The following TG variants were observed in gnomAD, a reference collection of about 807,000 sequenced individuals.
The protein encoded by TG is thyroglobulin.
Under a neutral mutation model 324.7 loss-of-function variants are expected in TG, and 270 were observed. That is an observed-to-expected ratio of 0.83 (90% CI 0.75 to 0.92). The LOEUF (loss-of-function observed/expected upper bound fraction) is 0.92, where lower values mean the gene tolerates loss of function less well. TG is among the 40% of genes least tolerant of loss of function. The pLI is 0.00. For missense variants in TG, 3,591 were observed against 3,456.4 expected (o/e 1.04, Z -0.98); for synonymous variants, 1,401 against 1,327.0 (o/e 1.06, Z -1.21).
At chr8:132,901,309 G>A in intron 15 of TG, 44 bp from the exon 16 acceptor site, 1 of 1,608,038 alleles carries the variant, frequency 6.2e-7, no homozygotes, top group Non-Finnish European at 8.5e-7. Context: ...TGAGCAGGGA[G>A]TGGGCACTGA....
chr8:132,942,393 T>C (rs1434020556), intron 26 of TG, among the ~76,000 whole-genome samples: 1 of 152,218 alleles, frequency 6.6e-6, no homozygotes, highest in Non-Finnish European at 1.5e-5. Flanking sequence ...TGTTTCTCCT[T>C]AGCAGCATCA....
intron 27 of TG, among the ~76,000 whole-genome samples, chr8:132,957,455 G>A (rs1827055568): frequency 6.6e-6 from 1 of 152,124 alleles, no homozygotes; most frequent in Non-Finnish European, 1.5e-5. Context: ...ATGTGCACCT[G>A]CGGGAAGCAC....
At chr8:132,871,678 G>A (rs2132048414) in intron 4 of TG, 127 bp downstream of exon 4, 1 of 878,606 alleles carries the variant, frequency 1.1e-6, no homozygotes, top group South Asian at 1.8e-5. Context: ...TAGGGAAAAT[G>A]AAAGCTTCAA....
chr8:132,897,507 T>G, intron 11 of TG, 142 bp from the exon 12 acceptor site: 1 of 1,174,154 alleles, frequency 8.5e-7, no homozygotes, highest in Non-Finnish European at 1.3e-6. Context: ...GCCTTTGTAA[T>G]ACTGTGGGTT....
In TG at chr8:133,073,853, C is replaced by T. The variant is rs138583537; in HGVS notation, c.7240-21191C>T. ...GTGACTTGGACAAGCCACCTAACTT[C>T]TCTGAGCCTCATTTCCTCAGTTTTC... On this transcript the variant is annotated intron_variant, in intron 41 of 47. Transcript: ENST00000220616. 4.0e-3 allele frequency among the ~76,000 whole-genome samples: 602 copies of T among 152,268 alleles called. 4 individuals carry two copies. Among genetic ancestry groups the T allele is most frequent in the African/African-American group, 0.014 (574 of 41,532 alleles).
At position 132,941,370 on chromosome 8, in the gene TG, A is replaced by G. The variant is rs754968439; in HGVS notation, c.5061A>G (p.Thr1687=). 49 of 1,614,098 alleles carry G rather than the reference A, an allele frequency of 3.0e-5. No homozygotes were observed. The highest frequency in any genetic ancestry group is 4.1e-5 in the Non-Finnish European group (48 of 1,180,050). ...CCCCAGGCCAAGGATCCACCACAAC[A>G]CTTCAGAAACGCTTTGAACCCACTG... The part of the protein sequence containing the change: ...YLKKGQGSTT[T]LQKRFEPTGF... The change falls in exon 26 of 48, where the codon ACA becomes ACG. Residue 1687 remains threonine (T), a synonymous_variant. Transcript: ENST00000220616.
At chr8:133,051,017 G>A (rs1490950396) in intron 41 of TG, 1 of 681,506 alleles carries the variant, frequency 1.5e-6, no homozygotes, top group East Asian at 2.6e-5. Context: ...AGATTTTCCA[G>A]CAGGAAATAC....
intron 26 of TG, among the ~76,000 whole-genome samples, chr8:132,944,617 G>A (rs1380811205): frequency 6.6e-6 from 1 of 152,180 alleles, no homozygotes; most frequent in Non-Finnish European, 1.5e-5. Flanking sequence ...TCAGCAAAGG[G>A]AACTTGGCTT....
Position 132,893,703 on chromosome 8 carries a change from T to C in TG, c.2775T>C (p.Cys925=). Residue 925 remains cysteine, a synonymous_variant, in exon 11 of 48, where the codon TGT becomes TGC. Coordinates refer to ENST00000220616, the MANE Select transcript of TG (RefSeq NM_003235.5). The part of the protein sequence containing the change: ...PSKLPTCPGS[C]EEAKLRVLQF... ...TTATTCCCCTAGGTCCTGGCTCCTG[T>C]GAGGAAGCAAAGCTCCGTGTACTGC... The C allele has an allele frequency of 6.2e-7, 1 of 1,613,828 alleles. No homozygotes were observed.
At chr8:132,974,746 G>A (rs1479323941) in intron 34 of TG, among the ~76,000 whole-genome samples, 1 of 152,182 alleles carries the variant, frequency 6.6e-6, no homozygotes. Flanking sequence ...AAACCAGTTG[G>A]TGGTTTGGTG....
intron 41 of TG, among the ~76,000 whole-genome samples, chr8:133,046,200 G>A (rs1839361916): frequency 6.6e-6 from 1 of 152,242 alleles, no homozygotes; most frequent in Non-Finnish European, 1.5e-5. Flanking sequence ...ACACCCAAGA[G>A]ACAGAGGAGA....
At chr8:132,915,354 G>A (rs1461351350) in intron 20 of TG, among the ~76,000 whole-genome samples, 4 of 152,184 alleles carry the variant, frequency 2.6e-5, no homozygotes, top group Admixed American at 2.6e-4. Flanking sequence ...GTAAAATAAA[G>A]GGGCTGGCCT....
intron 27 of TG, among the ~76,000 whole-genome samples, chr8:132,952,694 A>G (rs1826281925): frequency 6.6e-6 from 1 of 152,216 alleles, no homozygotes; most frequent in Non-Finnish European, 1.5e-5. Context: ...CAAGTAGTAA[A>G]TATATTAATA....
At chr8:132,965,798 T>C (rs1828476505) in intron 29 of TG, among the ~76,000 whole-genome samples, 1 of 152,108 alleles carries the variant, frequency 6.6e-6, no homozygotes, top group South Asian at 2.1e-4. Context: ...CTGCAAACAG[T>C]GTGGTGATGA....
intron 24 of TG, among the ~76,000 whole-genome samples, chr8:132,934,977 C>CCT (rs1474111468): frequency 6.6e-6 from 1 of 152,072 alleles, no homozygotes; most frequent in African/African-American, 2.4e-5. Flanking sequence ...CCAGCTCCAG[C>CCT]CTCTCTCTCC....
chr8:133,130,579 G>C (rs1588152021), intron 45 of TG, among the ~76,000 whole-genome samples: 1 of 152,268 alleles, frequency 6.6e-6, no homozygotes, highest in East Asian at 1.9e-4. Flanking sequence ...GAAAACGGGG[G>C]CCTGGGTCCT....
At chr8:133,043,233 G>A (rs762791000) in intron 41 of TG, among the ~76,000 whole-genome samples, 6 of 152,074 alleles carry the variant, frequency 3.9e-5, no homozygotes, top group South Asian at 4.1e-4. Context: ...GTTAGATTTC[G>A]GTATTTTTGG....
chr8:132,949,718 C>T lies in TG; in HGVS notation c.5401+775C>T, dbSNP rs185188025. 3.3e-4 allele frequency among the ~76,000 whole-genome samples: 50 copies of T among 152,310 alleles called. 1 individual carries two copies. In the East Asian group the frequency reaches 9.5e-3, roughly 29 times the overall value. The stretch of plus-strand genomic sequence containing the variant: ...GGGCTTTCTCTTTCCTCTTCTTTCT[C>T]TTGGAAGCTCTTTTCTACAAACATA... On this transcript the variant is annotated intron_variant, in intron 27 of 47. Coordinates refer to ENST00000220616, the MANE Select transcript of TG (RefSeq NM_003235.5).
rs190914906 is a variant in TG, at chr8:132,971,802, A to G, written c.5984A>G (p.Glu1995Gly). 5.1e-4 allele frequency: 826 copies of G among 1,613,008 alleles called. 4 individuals carry two copies. The highest frequency in any genetic ancestry group is 4.1e-4 in the Non-Finnish European group (481 of 1,179,004). Reference protein sequence around the residue: ...SEKSISNGFFECERRCDADPC... With the variant: ...SEKSISNGFFGCERRCDADPC... Reference sequence around the variant, plus strand: ...TTCTCTTCCTATGCCAGGTTCTTTGAATGTGAACGACGGTGCGATGCGGAC... The same window carrying G: ...TTCTCTTCCTATGCCAGGTTCTTTGGATGTGAACGACGGTGCGATGCGGAC... The change falls in exon 33 of 48, where the codon GAA becomes GGA. Residue 1995 changes from glutamate (E) to glycine (G), a missense_variant. Transcript: ENST00000220616.
Sources: allele counts gnomAD v4.1 joint callset (sites outside exome capture counted in the v4.1 genomes callset), GRCh38; gene constraint gnomAD v4.1.1; transcripts MANE v1.5; gene names NCBI Gene and HGNC (gene_info 2026-07-23, HGNC 2026-07-21).